The following SUPT3H variants were observed in gnomAD, a reference collection of about 807,000 sequenced individuals.
The protein encoded by SUPT3H is SPT3 homolog, SAGA and STAGA complex component.
Under a neutral mutation model 44.3 loss-of-function variants are expected in SUPT3H, and 44 were observed. The ratio of observed to expected loss-of-function variants is 0.99; its 90% CI spans 0.78 to 1.28. SUPT3H has a LOEUF of 1.28. Among genes scored for constraint, SUPT3H ranks in the 50% most tolerant of loss-of-function variants. SUPT3H has a pLI of 0.00. For synonymous variants in SUPT3H, 124 were observed against 125.6 expected (o/e 0.99, Z 0.09); for missense variants, 380 against 387.1 (o/e 0.98, Z 0.15).
chr6:44,950,158 A>G (rs1232814197), intron 9 of SUPT3H, among the ~76,000 whole-genome samples: 1 of 152,152 alleles, frequency 6.6e-6, no homozygotes, highest in Non-Finnish European at 1.5e-5. Context: ...TAATGGTCAA[A>G]CACCTCAAGT....
At chr6:45,350,335 G>A (rs1291416023) in intron 2 of SUPT3H, among the ~76,000 whole-genome samples, 2 of 152,140 alleles carry the variant, frequency 1.3e-5, no homozygotes, top group Non-Finnish European at 2.9e-5. Flanking sequence ...TGCCCAACAG[G>A]TGCTAGTCTA....
chr6:45,303,016 G>T (rs992121402), intron 2 of SUPT3H, among the ~76,000 whole-genome samples: 26 of 152,042 alleles, frequency 1.7e-4, no homozygotes, highest in African/African-American at 6.0e-4. Flanking sequence ...CATAAAGCGG[G>T]GAAAGGATAC....
intron 7 of SUPT3H, chr6:44,955,616 CCT>C (rs1775006123): frequency 6.6e-6 from 1 of 152,330 alleles, no homozygotes; most frequent in African/African-American, 2.4e-5. Context: ...CCTAACCCTG[CCT>C]CCAGCTCATG....
chr6:45,363,298 G>C (rs1341387502), intron 2 of SUPT3H, among the ~76,000 whole-genome samples: 1 of 152,044 alleles, frequency 6.6e-6, no homozygotes, highest in Non-Finnish European at 1.5e-5. Context: ...TAGGACATCT[G>C]TTTTTAACTT....
At chr6:45,215,693 A>T (rs1764920430) in intron 2 of SUPT3H, among the ~76,000 whole-genome samples, 1 of 152,312 alleles carries the variant, frequency 6.6e-6, no homozygotes, top group Non-Finnish European at 1.5e-5. Flanking sequence ...AAATTATGGG[A>T]AATTATTAAG....
chr6:45,339,009 T>C (rs940477611), intron 2 of SUPT3H, among the ~76,000 whole-genome samples: 1 of 151,948 alleles, frequency 6.6e-6, no homozygotes, highest in Non-Finnish European at 1.5e-5. Context: ...ACATAAAACA[T>C]AGAAATAAGG....
intron 3 of SUPT3H, among the ~76,000 whole-genome samples, chr6:45,061,788 T>C (rs1478279026): frequency 6.6e-6 from 1 of 152,008 alleles, no homozygotes. Flanking sequence ...AATAACATAA[T>C]TCTAGTCATG....
At chr6:44,990,301 G>A (rs192500289) in intron 6 of SUPT3H, among the ~76,000 whole-genome samples, 3 of 152,028 alleles carry the variant, frequency 2.0e-5, no homozygotes, top group Admixed American at 6.6e-5. Flanking sequence ...CATGCGTGTA[G>A]GTTTATTTCT....
chr6:44,982,912 C>A (rs1933104782), intron 6 of SUPT3H, among the ~76,000 whole-genome samples: 1 of 152,048 alleles, frequency 6.6e-6, no homozygotes, highest in Non-Finnish European at 1.5e-5. Context: ...TGAATTAGGT[C>A]CAACACAAGA....
chr6:45,064,828 C>A (rs9369531), intron 3 of SUPT3H, among the ~76,000 whole-genome samples: 74,470 of 144,160 alleles, frequency 0.52, 19,369 homozygotes, highest in East Asian at 0.71. Flanking sequence ...GAGTGACCTA[C>A]AAAGAGACTT....
At chr6:44,891,288 G>GA (rs1194714388) in intron 10 of SUPT3H, among the ~76,000 whole-genome samples, 2 of 152,064 alleles carry the variant, frequency 1.3e-5, no homozygotes, top group Non-Finnish European at 2.9e-5. Context: ...CAAAATAACT[G>GA]AAAGCAGGAA....
intron 10 of SUPT3H, among the ~76,000 whole-genome samples, chr6:44,916,768 T>G (rs1446802276): frequency 1.3e-5 from 2 of 152,192 alleles, no homozygotes; most frequent in Non-Finnish European, 2.9e-5. Context: ...ATACTGCATT[T>G]CTTTAAGCAT....
chr6:45,128,531 A>AAAAAAAAAAC (rs1802836902), intron 2 of SUPT3H, among the ~76,000 whole-genome samples: 1 of 51,094 alleles, frequency 2.0e-5, no homozygotes, highest in Non-Finnish European at 3.3e-5. Context: ...AAAAAAAAAA[A>AAAAAAAAAAC]AAATATATAT....
intron 10 of SUPT3H, among the ~76,000 whole-genome samples, chr6:44,919,339 A>T (rs775295292): frequency 6.6e-6 from 1 of 152,220 alleles, no homozygotes; most frequent in Non-Finnish European, 1.5e-5. Context: ...TCTTCTAAGA[A>T]TGCATGACCA....
intron 2 of SUPT3H, among the ~76,000 whole-genome samples, chr6:45,118,397 A>G (rs1236542291): frequency 6.6e-6 from 1 of 152,138 alleles, no homozygotes; most frequent in African/African-American, 2.4e-5. Context: ...ATAATAGTTA[A>G]TATCAATAAA....
rs376385212 is a variant in SUPT3H, at chr6:45,067,697, G to A, written c.186+38225C>T. Among the ~76,000 whole-genome samples the A allele has an allele frequency of 7.7e-4, 114 of 148,418 alleles. 1 individual carries two copies. The South Asian group carries it at 8.9e-3, about 12-fold the overall frequency. Reference sequence around the variant, plus strand: ...CAAAAGAAGACATTTATGCAGCCAAGAAACACATGAAAAAATGCTCATCAT... The same window carrying A: ...CAAAAGAAGACATTTATGCAGCCAAAAAACACATGAAAAAATGCTCATCAT... On this transcript the variant is annotated intron_variant, in intron 3 of 10. Coordinates refer to ENST00000371459, the MANE Select transcript of SUPT3H (RefSeq NM_003599.4).
At chr6:45,367,838 C>G (rs1478467381) in intron 1 of SUPT3H, among the ~76,000 whole-genome samples, 1 of 152,152 alleles carries the variant, frequency 6.6e-6, no homozygotes, top group East Asian at 1.9e-4. Flanking sequence ...CTTTCACAGT[C>G]AAGTCAATTT....
intron 3 of SUPT3H, among the ~76,000 whole-genome samples, chr6:45,034,080 G>A (rs1787337561): frequency 6.6e-6 from 1 of 152,094 alleles, no homozygotes; most frequent in Non-Finnish European, 1.5e-5. Context: ...TACAGGAACT[G>A]TTTATAAAAA....
At chr6:45,172,193 C>T (rs916237738) in intron 2 of SUPT3H, among the ~76,000 whole-genome samples, 1 of 151,826 alleles carries the variant, frequency 6.6e-6, no homozygotes, top group African/African-American at 2.4e-5. Flanking sequence ...CTCCCTCAGC[C>T]TCCAGAGTAG....
Sources: allele counts gnomAD v4.1 joint callset (sites outside exome capture counted in the v4.1 genomes callset), GRCh38; gene constraint gnomAD v4.1.1; transcripts MANE v1.5; gene names NCBI Gene and HGNC (gene_info 2026-07-23, HGNC 2026-07-21).